The following COL28A1 variants were observed in gnomAD, a reference collection of about 807,000 sequenced individuals.
COL28A1 encodes collagen alpha-1(XXVIII) chain.
In COL28A1, 161 loss-of-function variants were observed where a neutral mutation model predicts 150.2. The ratio of observed to expected loss-of-function variants is 1.07; its 90% CI spans 0.94 to 1.22. The LOEUF is 1.22. Among genes scored for constraint, COL28A1 ranks in the 50% most tolerant of loss-of-function variants. The pLI is 0.00. For missense variants in COL28A1, 1,617 were observed against 1,388.3 expected (o/e 1.16, Z -2.62); for synonymous variants, 552 against 469.7 (o/e 1.18, Z -2.26).
the COL28A1 span, among the ~76,000 whole-genome samples, chr7:7,542,045 T>G: frequency 2.2e-4 from 34 of 152,102 alleles, no homozygotes; most frequent in Non-Finnish European, 3.4e-4. Flanking sequence ...TACTTTGAAA[T>G]GCATCATAAA....
intron 30 of COL28A1, among the ~76,000 whole-genome samples, chr7:7,376,687 G>A (rs941252433): frequency 6.7e-6 from 1 of 149,904 alleles, no homozygotes; most frequent in African/African-American, 2.5e-5. Context: ...GGAAATATAT[G>A]TATTTATATA....
intron 3 of COL28A1, 116 bp from the exon 4 acceptor site, chr7:7,524,365 G>A: frequency 1.4e-6 from 1 of 712,574 alleles, no homozygotes; most frequent in Non-Finnish European, 2.4e-6. Context: ...TAGCAATTCA[G>A]CCTTTTTAAA....
At chr7:7,516,465 T>G (rs1781420053) in intron 7 of COL28A1, among the ~76,000 whole-genome samples, 1 of 152,188 alleles carries the variant, frequency 6.6e-6, no homozygotes, top group African/African-American at 2.4e-5. Flanking sequence ...GTGTCACCCT[T>G]GGGAATCCTG....
At chr7:7,417,553 G>T (rs1243366387) in intron 27 of COL28A1, 1 of 192,758 alleles carries the variant, frequency 5.2e-6, no homozygotes, top group Non-Finnish European at 9.8e-6. Flanking sequence ...GGGGGGGAGA[G>T]AGAGAGAGAG....
At chr7:7,513,464 T>C (rs1562879389) in intron 8 of COL28A1, among the ~76,000 whole-genome samples, 1 of 152,184 alleles carries the variant, frequency 6.6e-6, no homozygotes, top group Non-Finnish European at 1.5e-5. Context: ...GAGGGAGGTG[T>C]GACTCTTAGA....
At chr7:7,485,759 AC>A (rs1779592972) in intron 13 of COL28A1, among the ~76,000 whole-genome samples, 1 of 152,130 alleles carries the variant, frequency 6.6e-6, no homozygotes. Context: ...CAATCTGTTG[AC>A]TATACTTGTG....
At chr7:7,465,119 G>A (rs1377807183) in intron 15 of COL28A1, among the ~76,000 whole-genome samples, 4 of 152,116 alleles carry the variant, frequency 2.6e-5, no homozygotes, top group Non-Finnish European at 4.4e-5. Flanking sequence ...TGGCCGAATA[G>A]GAACAGCTCC....
At chr7:7,379,101 G>A (rs1264147459) in intron 30 of COL28A1, among the ~76,000 whole-genome samples, 1 of 152,194 alleles carries the variant, frequency 6.6e-6, no homozygotes, top group Non-Finnish European at 1.5e-5. Context: ...GAACATATGT[G>A]CATGCCCTTT....
upstream of COL28A1, among the ~76,000 whole-genome samples, chr7:7,537,434 C>T (rs940066749): frequency 6.6e-6 from 1 of 152,156 alleles, no homozygotes; most frequent in Non-Finnish European, 1.5e-5. Flanking sequence ...AATGTTATAA[C>T]AAAATGACAT....
intron 25 of COL28A1, among the ~76,000 whole-genome samples, chr7:7,428,617 A>G (rs970196062): frequency 2.6e-5 from 4 of 152,170 alleles, no homozygotes; most frequent in African/African-American, 9.6e-5. Flanking sequence ...AAGGCTCCAG[A>G]GAAGAAAAGC....
At chr7:7,384,596 T>C (rs1782074600) in intron 27 of COL28A1, among the ~76,000 whole-genome samples, 1 of 152,300 alleles carries the variant, frequency 6.6e-6, no homozygotes, top group South Asian at 2.1e-4. Flanking sequence ...TTAGGCCTTA[T>C]TATAGGTATG....
At chr7:7,471,111 TA>T (rs1234212727) in intron 15 of COL28A1, among the ~76,000 whole-genome samples, 101 of 46,826 alleles carry the variant, frequency 2.2e-3, no homozygotes, top group African/African-American at 8.3e-3. Context: ...TAGAGTATAA[TA>T]AAAAAAAATA....
At chr7:7,375,138 G>C (rs1262567152) in intron 31 of COL28A1, among the ~76,000 whole-genome samples, 1 of 152,184 alleles carries the variant, frequency 6.6e-6, no homozygotes, top group Non-Finnish European at 1.5e-5. Context: ...TATTTCCTTT[G>C]TTGAGTTTTT....
At chr7:7,527,992 G>A (rs890493690) in intron 3 of COL28A1, among the ~76,000 whole-genome samples, 2 of 152,126 alleles carry the variant, frequency 1.3e-5, no homozygotes, top group Non-Finnish European at 2.9e-5. Flanking sequence ...GCCCTAAACA[G>A]AGGAAGTCTT....
the COL28A1 span, among the ~76,000 whole-genome samples, chr7:7,349,567 C>A: frequency 6.6e-6 from 1 of 152,086 alleles, no homozygotes. Flanking sequence ...TCCTGGACTC[C>A]AGTATTTTCC....
chr7:7,521,793 T>C, intron 5 of COL28A1, 112 bp downstream of exon 5: 1 of 725,962 alleles, frequency 1.4e-6, no homozygotes, highest in Non-Finnish European at 2.5e-6. Flanking sequence ...TTCCTCCCAT[T>C]TCCAAACAAT....
chr7:7,452,141 A>G (rs1177397138), intron 18 of COL28A1, among the ~76,000 whole-genome samples, 178 bp downstream of exon 18: 3 of 152,254 alleles, frequency 2.0e-5, no homozygotes, highest in Non-Finnish European at 4.4e-5. Context: ...AAAATAAAGC[A>G]AGCCATACGT....
chr7:7,437,055 C>T (rs747301165), intron 22 of COL28A1, among the ~76,000 whole-genome samples: 1 of 152,070 alleles, frequency 6.6e-6, no homozygotes, highest in Admixed American at 6.6e-5. Context: ...ACCAGTCAAC[C>T]AACCTGAGTG....
chr7:7,531,661 G>C lies in COL28A1; in HGVS notation c.368C>G (p.Ser123Cys), dbSNP rs768561067. The change falls in exon 3 of 35, where the codon TCT (serine) becomes TGT (cysteine). Residue 123 changes from serine to cysteine, a missense_variant. Physicochemically the swap from Ser to Cys is moderately radical, Grantham distance 112. Transcript: ENST00000399429. ...GGTACCTTGCCCTATTAAATTCATAGACTTGACCTTCTGCTTAAATGTCTG... is the reference window on the plus strand; with the variant it reads ...GGTACCTTGCCCTATTAAATTCATACACTTGACCTTCTGCTTAAATGTCTG... Reference protein sequence around the residue: ...DLQTFKQKVKSMNLIGQGTFS... With the variant: ...DLQTFKQKVKCMNLIGQGTFS... 2.5e-6 allele frequency: 4 copies of C among 1,596,658 alleles called. No homozygotes were observed. The East Asian group carries it at 6.7e-5, about 27-fold the overall frequency.
Sources: allele counts gnomAD v4.1 joint callset (sites outside exome capture counted in the v4.1 genomes callset), GRCh38; gene constraint gnomAD v4.1.1; transcripts MANE v1.5; gene names NCBI Gene and HGNC (gene_info 2026-07-23, HGNC 2026-07-21).